The following DSCAML1 variants were observed in gnomAD, a reference collection of about 807,000 sequenced individuals.
DSCAML1 encodes cell adhesion molecule DSCAML1.
DSCAML1 carries 38 observed loss-of-function variants against 200.5 expected under a neutral mutation model. That is an observed-to-expected ratio of 0.19 (90% CI 0.15 to 0.25). The LOEUF is 0.25. Among genes scored for constraint, DSCAML1 ranks in the 10% least tolerant of loss-of-function variants. DSCAML1 has a pLI of 1.00. For missense variants in DSCAML1, 2,223 were observed against 2,858.8 expected (o/e 0.78, Z 5.07); for synonymous variants, 1,215 against 1,165.0 (o/e 1.04, Z -0.87).
At chr11:117,514,823 C>A (rs541932063) in intron 8 of DSCAML1, among the ~76,000 whole-genome samples, 7 of 152,324 alleles carry the variant, frequency 4.6e-5, no homozygotes, top group Middle Eastern at 3.4e-3. Context: ...CTCAGGTGAT[C>A]CGCCTACCTC....
At chr11:117,440,538 A>G (rs1784687005) in intron 21 of DSCAML1, among the ~76,000 whole-genome samples, 1 of 152,210 alleles carries the variant, frequency 6.6e-6, no homozygotes, top group Admixed American at 6.5e-5. Flanking sequence ...GGGGACGGGC[A>G]GAAGTAGAAT....
chr11:117,652,166 C>T (rs1012017766), intron 3 of DSCAML1, among the ~76,000 whole-genome samples: 2 of 152,290 alleles, frequency 1.3e-5, no homozygotes, highest in African/African-American at 4.8e-5. Context: ...TAGGGGAAGC[C>T]CCAACTTCAA....
In DSCAML1 at chr11:117,564,413, A is replaced by C. The variant is rs1180648365; in HGVS notation, c.512-31891T>G. 2.6e-5 allele frequency among the ~76,000 whole-genome samples: 4 copies of C among 152,208 alleles called. No homozygotes were observed. In the East Asian group the frequency reaches 5.8e-4, roughly 22 times the overall value. ...AGAACACACAGCTCTCAAGAGGCCA[A>C]AGGGACATTGCTCTGCTCTGGAACA... is the stretch of plus-strand genomic sequence containing the variant. On this transcript the variant is annotated intron_variant, in intron 3 of 32. Coordinates refer to ENST00000651296, the MANE Select transcript of DSCAML1 (RefSeq NM_020693.4).
Position 117,524,888 on chromosome 11 carries a change from C to G in DSCAML1, c.854G>C (p.Arg285Pro). 1 of 1,612,034 alleles carries G rather than the reference C, an allele frequency of 6.2e-7. No individual in the cohort carries two copies. The highest frequency in any genetic ancestry group is 8.5e-7 in the Non-Finnish European group (1 of 1,179,280). Residue 285 changes from arginine to proline, a missense_variant, in exon 5 of 33, where the codon CGG becomes CCG. Arg to Pro is a moderately radical substitution (Grantham distance 103, BLOSUM62 -2). Coordinates refer to ENST00000651296, the MANE Select transcript of DSCAML1 (RefSeq NM_020693.4). ...AATGTAGGTGCCGCTGTCCTCGGTC[C>G]GCAAGTCGCTGATGGTCAGCCCTGT... ...RITGLTISDL[R>P]TEDSGTYICE...
intron 3 of DSCAML1, among the ~76,000 whole-genome samples, chr11:117,643,376 T>A (rs923919246): frequency 3.3e-5 from 5 of 152,188 alleles, no homozygotes; most frequent in African/African-American, 1.2e-4. Context: ...TATCCCCCTG[T>A]AAACATTCCT....
chr11:117,661,785 G>A (rs1003609165), intron 3 of DSCAML1, among the ~76,000 whole-genome samples: 1 of 152,188 alleles, frequency 6.6e-6, no homozygotes, highest in African/African-American at 2.4e-5. Flanking sequence ...CTGCCTGGAT[G>A]GAGGGGAAGA....
At chr11:117,606,345 C>T (rs1359677840) in intron 3 of DSCAML1, among the ~76,000 whole-genome samples, 3 of 152,152 alleles carry the variant, frequency 2.0e-5, no homozygotes, top group East Asian at 1.9e-4. Context: ...GAAGTTCTCG[C>T]GGCCTCAGTG....
chr11:117,433,120 G>C lies in DSCAML1; in HGVS notation c.5026+18C>G. On this transcript the variant is annotated intron_variant, in intron 29 of 32. Transcript: ENST00000651296. ...GCACACCCAGCAGGACAGGGAACTT[G>C]TGGCACCTGTCACTCACCCAGTTGC... 1 of 1,601,848 alleles carries C rather than the reference G, an allele frequency of 6.2e-7. No homozygotes were observed. Among genetic ancestry groups the C allele is most frequent in the Non-Finnish European group, 8.6e-7 (1 of 1,169,308 alleles).
At chr11:117,443,006 G>A (rs2048099363) in intron 21 of DSCAML1, among the ~76,000 whole-genome samples, 2 of 152,214 alleles carry the variant, frequency 1.3e-5, no homozygotes, top group African/African-American at 4.8e-5. Flanking sequence ...CCCGCGGCAG[G>A]GTAGGGCTTG....
intron 14 of DSCAML1, among the ~76,000 whole-genome samples, chr11:117,475,120 T>C (rs1200554231): frequency 6.6e-6 from 1 of 152,164 alleles, no homozygotes; most frequent in African/African-American, 2.4e-5. Flanking sequence ...TTAGCCACTG[T>C]CATCCCTCCT....
At chr11:117,747,484 G>A (rs1295399082) in intron 3 of DSCAML1, among the ~76,000 whole-genome samples, 1 of 152,086 alleles carries the variant, frequency 6.6e-6, no homozygotes, top group Non-Finnish European at 1.5e-5. Flanking sequence ...CGCACCACCA[G>A]CACAATACTG....
At position 117,780,846 on chromosome 11, in the gene DSCAML1, TGG is replaced by T; in HGVS notation, c.47-38_47-37del. 7.2e-7 allele frequency: 1 copy of T among 1,395,080 alleles called. No homozygotes were observed. The highest frequency in any genetic ancestry group is 1.6e-5 in the South Asian group (1 of 61,626). The allele number at this position is 1,395,080 out of a possible 1,614,324, so 86.4% of individuals were successfully genotyped here. A position where few individuals can be genotyped will look rare whatever the true frequency, so the allele number is the denominator to read the frequency against. On this transcript the variant is annotated intron_variant, in intron 1 of 32. Coordinates refer to ENST00000651296, the MANE Select transcript of DSCAML1 (RefSeq NM_020693.4). This position sits in a 1 kb window ranked among gnomAD's most constrained non-coding sequence, Gnocchi z 4.8. Reference sequence around the variant, plus strand: ...GGCAAGGGGAGAGACTTGGTTAGCATGGGCTCTAACAATACCCATATAAGCCA... The same window carrying T: ...GGCAAGGGGAGAGACTTGGTTAGCATGCTCTAACAATACCCATATAAGCCA...
chr11:117,483,090 C>G (rs1188974036), intron 11 of DSCAML1, among the ~76,000 whole-genome samples: 1 of 152,218 alleles, frequency 6.6e-6, no homozygotes, highest in Admixed American at 6.5e-5. Context: ...GCCTGTCAAT[C>G]ACCGGCCCCT....
intron 1 of DSCAML1, among the ~76,000 whole-genome samples, chr11:117,783,253 C>G (rs1304813080): frequency 2.6e-5 from 4 of 152,186 alleles, no homozygotes; most frequent in Non-Finnish European, 5.9e-5. Flanking sequence ...ATCAGGCACT[C>G]TCACCTTGGC....
At chr11:117,450,116 C>T (rs539499938) in intron 20 of DSCAML1, among the ~76,000 whole-genome samples, 87 of 152,336 alleles carry the variant, frequency 5.7e-4, no homozygotes, top group Non-Finnish European at 1.0e-3. Flanking sequence ...TCAGCTTGCT[C>T]CATGTGGAGG....
intron 3 of DSCAML1, among the ~76,000 whole-genome samples, chr11:117,728,161 T>C (rs1351395455): frequency 1.3e-5 from 2 of 152,132 alleles, no homozygotes; most frequent in African/African-American, 4.8e-5. Flanking sequence ...AACACATCCA[T>C]AGAATAAAGG....
At chr11:117,456,006 C>G (rs548474461) in intron 19 of DSCAML1, among the ~76,000 whole-genome samples, 2 of 152,198 alleles carry the variant, frequency 1.3e-5, no homozygotes, top group Non-Finnish European at 2.9e-5. Flanking sequence ...TGGGGTAAAT[C>G]GGTCCTGATA....
chr11:117,613,751 G>A (rs1448095539), intron 3 of DSCAML1, among the ~76,000 whole-genome samples: 4 of 152,184 alleles, frequency 2.6e-5, no homozygotes, highest in Non-Finnish European at 5.9e-5. Context: ...CTGGCCCCAG[G>A]GGGTCGGAGA....
chr11:117,579,248 C>G (rs2051001993), intron 3 of DSCAML1, among the ~76,000 whole-genome samples: 1 of 152,214 alleles, frequency 6.6e-6, no homozygotes, highest in South Asian at 2.1e-4. Context: ...ATGTCATCCC[C>G]TCCAGAGCTT....
Sources: gnomAD v4.1 joint callset for allele counts (sites outside exome capture counted in the v4.1 genomes callset) on GRCh38, gnomAD v4.1.1 for gene constraint, Gnocchi (gnomAD v3.1) non-coding constraint, MANE v1.5 for transcripts, NCBI Gene and HGNC (gene_info 2026-07-23, HGNC 2026-07-21) for gene names.